FBXL17: variants seen among roughly 807,000 people sequenced by gnomAD.
FBXL17 encodes the protein F-box/LRR-repeat protein 17.
Under a neutral mutation model 66.2 loss-of-function variants are expected in FBXL17, and 22 were observed. The observed-to-expected ratio is 0.33, with a 90% CI of 0.24 to 0.47. The LOEUF (loss-of-function observed/expected upper bound fraction) is 0.47. Ranked by LOEUF, FBXL17 falls within the 20% of genes least tolerant of loss-of-function variation. The probability of loss-of-function intolerance (pLI) is 1.00; values close to 1 mark genes in which losing one functional copy is unlikely to be tolerated. For synonymous variants in FBXL17, 474 were observed against 400.5 expected (o/e 1.18, Z -2.19); for missense variants, 878 against 948.2 (o/e 0.93, Z 0.97).
intron 4 of FBXL17, among the ~76,000 whole-genome samples, chr5:108,314,140 T>C (rs1759246306): frequency 6.6e-6 from 1 of 151,772 alleles, no homozygotes; most frequent in African/African-American, 2.4e-5. Context: ...AGAAAGATCA[T>C]ATTTAAAACA....
At chr5:107,925,279 T>C (rs1169570321) in intron 7 of FBXL17, among the ~76,000 whole-genome samples, 1 of 152,218 alleles carries the variant, frequency 6.6e-6, no homozygotes, top group Non-Finnish European at 1.5e-5. Context: ...AAAAAGAGAA[T>C]TATAAACCCA....
At chr5:108,209,803 A>G (rs1467079627) in intron 5 of FBXL17, among the ~76,000 whole-genome samples, 1 of 152,174 alleles carries the variant, frequency 6.6e-6, no homozygotes, top group Non-Finnish European at 1.5e-5. Context: ...AGGTTTTGGT[A>G]ACAGGATGAT....
At chr5:108,179,042 A>C (rs1483260901) in intron 6 of FBXL17, among the ~76,000 whole-genome samples, 1 of 152,202 alleles carries the variant, frequency 6.6e-6, no homozygotes, top group African/African-American at 2.4e-5. Flanking sequence ...TTCTAAGTCC[A>C]CTGTGACATG....
intron 5 of FBXL17, among the ~76,000 whole-genome samples, chr5:108,214,716 C>G (rs1340732396): frequency 6.6e-6 from 1 of 152,036 alleles, no homozygotes; most frequent in Non-Finnish European, 1.5e-5. Flanking sequence ...TTTTAGAAAT[C>G]TTTGTCTAAC....
chr5:107,910,562 C>A (rs1749916865), intron 7 of FBXL17, among the ~76,000 whole-genome samples: 1 of 151,716 alleles, frequency 6.6e-6, no homozygotes, highest in Non-Finnish European at 1.5e-5. Context: ...CCTAGATAAT[C>A]ACAATAAAAA....
intron 4 of FBXL17, among the ~76,000 whole-genome samples, chr5:108,338,955 C>T (rs1265045132): frequency 2.0e-5 from 3 of 152,134 alleles, no homozygotes; most frequent in Non-Finnish European, 4.4e-5. Flanking sequence ...ACCTGTATAT[C>T]TTTGCCTGAA....
At chr5:108,239,310 T>G (rs2416530) in intron 4 of FBXL17, among the ~76,000 whole-genome samples, 1,960 of 152,302 alleles carry the variant, frequency 0.013, 35 homozygotes, top group African/African-American at 0.043. Flanking sequence ...TAAAGACAGC[T>G]GAAAAGACAT....
intron 4 of FBXL17, among the ~76,000 whole-genome samples, chr5:108,240,895 C>T (rs1247641240): frequency 6.6e-6 from 1 of 152,022 alleles, no homozygotes; most frequent in East Asian, 1.9e-4. Flanking sequence ...AGATTGATTC[C>T]ATTTGTTTGG....
In FBXL17 at chr5:108,184,098, A is replaced by C. The variant is rs767965944; in HGVS notation, c.1745+2019T>G. Among the ~76,000 whole-genome samples the C allele has an allele frequency of 3.2e-4, 48 of 152,128 alleles. 1 individual carries two copies. The highest frequency in any genetic ancestry group is 2.6e-4 in the Admixed American group (4 of 15,276). Reference sequence around the variant, plus strand: ...GGGAAAATGGAGTCTACATGGTTTTATTTTAAGGTATAAAAGGAAATTTAA... The same window carrying C: ...GGGAAAATGGAGTCTACATGGTTTTCTTTTAAGGTATAAAAGGAAATTTAA... On this transcript the variant is annotated intron_variant, in intron 6 of 8. Coordinates refer to ENST00000542267, the MANE Select transcript of FBXL17 (RefSeq NM_001163315.3).
At chr5:108,139,141 G>A (rs1751256234) in intron 6 of FBXL17, among the ~76,000 whole-genome samples, 1 of 152,126 alleles carries the variant, frequency 6.6e-6, no homozygotes. Flanking sequence ...TTTAGTATGT[G>A]TGTGTTTGCA....
intron 7 of FBXL17, among the ~76,000 whole-genome samples, chr5:107,975,862 T>G (rs199840118): frequency 0.033 from 4,742 of 144,934 alleles, 238 homozygotes; most frequent in East Asian, 0.16. Context: ...TTGTTGTTTT[T>G]TTTTTTTTTT....
intron 6 of FBXL17, among the ~76,000 whole-genome samples, chr5:108,117,553 T>C (rs1750311112): frequency 6.6e-6 from 1 of 152,194 alleles, no homozygotes; most frequent in Non-Finnish European, 1.5e-5. Context: ...ACAGTAACTA[T>C]GAGTATGCCT....
At chr5:108,045,214 G>A (rs1254214219) in intron 6 of FBXL17, among the ~76,000 whole-genome samples, 1 of 152,160 alleles carries the variant, frequency 6.6e-6, no homozygotes, top group African/African-American at 2.4e-5. Context: ...GGCTGAGGCA[G>A]GCGGATCATG....
chr5:107,901,062 A>G (rs1346699767), intron 7 of FBXL17, among the ~76,000 whole-genome samples: 1 of 152,220 alleles, frequency 6.6e-6, no homozygotes, highest in Non-Finnish European at 1.5e-5. Context: ...TAAGACTGCA[A>G]TGAAGCATGA....
intron 6 of FBXL17, among the ~76,000 whole-genome samples, chr5:108,141,222 T>C (rs1751336338): frequency 6.6e-6 from 1 of 152,210 alleles, no homozygotes; most frequent in African/African-American, 2.4e-5. Flanking sequence ...ATCATCTGCC[T>C]GGCAAAATTC....
At chr5:107,924,113 G>A (rs1006184756) in intron 7 of FBXL17, among the ~76,000 whole-genome samples, 3 of 146,384 alleles carry the variant, frequency 2.0e-5, no homozygotes, top group African/African-American at 7.6e-5. Flanking sequence ...TTGTTGCCCA[G>A]GCTAGACTTG....
At chr5:108,164,856 T>C (rs12108947) in intron 6 of FBXL17, among the ~76,000 whole-genome samples, 138 of 152,350 alleles carry the variant, frequency 9.1e-4, no homozygotes, top group African/African-American at 3.3e-3. Flanking sequence ...TGCTCGTATC[T>C]ACTACAGTAT....
At chr5:108,094,830 C>G (rs141715957) in intron 6 of FBXL17, among the ~76,000 whole-genome samples, 6 of 150,186 alleles carry the variant, frequency 4.0e-5, no homozygotes, top group Admixed American at 4.0e-4. Context: ...CTTTAGAAGC[C>G]TAAATTTTGA....
At chr5:108,167,479 G>A (rs1368273049) in intron 6 of FBXL17, among the ~76,000 whole-genome samples, 1 of 152,174 alleles carries the variant, frequency 6.6e-6, no homozygotes, top group East Asian at 1.9e-4. Context: ...GAATGACCCA[G>A]TGATAAAATT....
Sources: allele counts gnomAD v4.1 joint callset (sites outside exome capture counted in the v4.1 genomes callset), GRCh38; gene constraint gnomAD v4.1.1; transcripts MANE v1.5; gene names NCBI Gene and HGNC (gene_info 2026-07-23, HGNC 2026-07-21).